Variants in LRRC56 observed in about 807,000 individuals in gnomAD.
LRRC56 encodes leucine rich repeat containing 56, also known as leucine-rich repeat-containing protein 56.
A neutral mutation model predicts 47.8 loss-of-function variants in LRRC56; 41 were observed. The ratio of observed to expected loss-of-function variants is 0.86; its 90% CI spans 0.67 to 1.11. The LOEUF is 1.11. Among genes scored for constraint, LRRC56 ranks in the 50% most tolerant of loss-of-function variants. The pLI is 0.00. For synonymous variants in LRRC56, 387 were observed against 311.2 expected (o/e 1.24, Z -2.56); for missense variants, 759 against 704.2 (o/e 1.08, Z -0.88).
chr11:546,223 A>C (rs1429629189), intron 6 of LRRC56, among the ~76,000 whole-genome samples: 2 of 151,800 alleles, frequency 1.3e-5, no homozygotes, highest in African/African-American at 2.4e-5. Flanking sequence ...CAGTGAGCTG[A>C]GATCACACCA....
At chr11:550,694 C>T (rs1852339425) in intron 8 of LRRC56, among the ~76,000 whole-genome samples, 3 of 152,208 alleles carry the variant, frequency 2.0e-5, no homozygotes, top group Non-Finnish European at 2.9e-5. Context: ...GCTGGCACAC[C>T]TGTGCGTGCA....
rs200798287 is a variant in LRRC56, at chr11:551,298, G to A, written c.792G>A (p.Pro264=). 666 of 1,510,458 alleles carry A rather than the reference G, an allele frequency of 4.4e-4. 3 individuals are homozygous for A. In the African/African-American group the frequency reaches 8.3e-3, roughly 19 times the overall value. The allele number at this position is 1,510,458 out of a possible 1,614,324, so 93.6% of individuals were successfully genotyped here. A position where few individuals can be genotyped will look rare whatever the true frequency, so the allele number is the denominator to read the frequency against. Reference sequence around the variant, plus strand: ...TCAAGAAGGGCAACGGCCTTCCCCCGCTGGGTACGGCAGCTGCGCCCGGAG... The same window carrying A: ...TCAAGAAGGGCAACGGCCTTCCCCCACTGGGTACGGCAGCTGCGCCCGGAG... ...EAIKKGNGLP[P]LDCPRGAPIR... is the part of the protein sequence containing the mutation. The change falls in exon 9 of 14, where the codon CCG becomes CCA. Residue 264 remains proline (P), a synonymous_variant. Coordinates refer to ENST00000270115, the MANE Select transcript of LRRC56 (RefSeq NM_198075.4).
At chr11:509,336 C>G in the LRRC56 span, among the ~76,000 whole-genome samples, 4 of 152,212 alleles carry the variant, frequency 2.6e-5, no homozygotes, top group African/African-American at 9.6e-5. Context: ...TCATTTCATT[C>G]TTTTCTTTGC....
At chr11:549,873 T>C (rs201069925) in intron 6 of LRRC56, 29 bp from the exon 7 acceptor site, 113 of 1,597,936 alleles carry the variant, frequency 7.1e-5, no homozygotes, top group Non-Finnish European at 8.8e-5. Context: ...GCTGGGCACA[T>C]GTTGACCACC....
the LRRC56 span, among the ~76,000 whole-genome samples, chr11:507,753 T>C: frequency 6.6e-6 from 1 of 152,224 alleles, no homozygotes; most frequent in African/African-American, 2.4e-5. Flanking sequence ...GAGGGGCTCG[T>C]TTGCGCCGAG....
At chr11:511,301 A>G in the LRRC56 span, among the ~76,000 whole-genome samples, 1 of 150,422 alleles carries the variant, frequency 6.6e-6, no homozygotes, top group African/African-American at 2.5e-5. Context: ...AGCCTGGGCG[A>G]CAGAGCTAGA....
At chr11:529,680 G>GC in the LRRC56 span, 1 of 152,354 alleles carries the variant, frequency 6.6e-6, no homozygotes, top group African/African-American at 2.4e-5. Context: ...ATGGGGCCCA[G>GC]CCCCGGGAAG....
chr11:519,287 G>A, the LRRC56 span, among the ~76,000 whole-genome samples: 1 of 140,320 alleles, frequency 7.1e-6, no homozygotes, highest in Admixed American at 7.3e-5. Flanking sequence ...CTGATACACA[G>A]GTGAGCTTTA....
the LRRC56 span, among the ~76,000 whole-genome samples, chr11:524,786 T>C: frequency 6.6e-6 from 1 of 151,930 alleles, no homozygotes; most frequent in Non-Finnish European, 1.5e-5. Flanking sequence ...GAGACAATCT[T>C]GTATAAGTAT....
chr11:523,043 T>G, the LRRC56 span, among the ~76,000 whole-genome samples: 1 of 151,920 alleles, frequency 6.6e-6, no homozygotes, highest in Admixed American at 6.6e-5. Context: ...TGTTTTGTTT[T>G]GTTGAGACTG....
At chr11:517,123 T>C in the LRRC56 span, among the ~76,000 whole-genome samples, 1 of 152,260 alleles carries the variant, frequency 6.6e-6, no homozygotes, top group Non-Finnish European at 1.5e-5. Flanking sequence ...GTGCTGGGAT[T>C]GCAGACGGAG....
the LRRC56 span, among the ~76,000 whole-genome samples, chr11:521,369 C>T: frequency 6.6e-6 from 1 of 152,146 alleles, no homozygotes; most frequent in Non-Finnish European, 1.5e-5. Flanking sequence ...AGTGCAGTGC[C>T]ATGATCACAG....
intron 5 of LRRC56, among the ~76,000 whole-genome samples, chr11:544,027 C>T (rs1179975138): frequency 6.6e-6 from 1 of 152,214 alleles, no homozygotes; most frequent in Non-Finnish European, 1.5e-5. Flanking sequence ...GGATTACAGG[C>T]GTGAGCCACC....
chr11:514,805 C>T, the LRRC56 span, among the ~76,000 whole-genome samples: 3 of 152,190 alleles, frequency 2.0e-5, no homozygotes, highest in Non-Finnish European at 4.4e-5. Context: ...TTTATTGCGA[C>T]ATTTGTGTTA....
upstream of LRRC56, among the ~76,000 whole-genome samples, chr11:534,995 C>A (rs1311772045): frequency 6.6e-6 from 1 of 152,178 alleles, no homozygotes; most frequent in Non-Finnish European, 1.5e-5. Context: ...GCGCGGGAGA[C>A]CCGGAGAGGG....
At chr11:522,938 G>A in the LRRC56 span, among the ~76,000 whole-genome samples, 977 of 152,156 alleles carry the variant, frequency 6.4e-3, 4 homozygotes, top group Non-Finnish European at 0.012. Context: ...TAGTAGAGAC[G>A]AGGTTTCACC....
At chr11:507,301 G>C in the LRRC56 span, 12 of 151,866 alleles carry the variant, frequency 7.9e-5, no homozygotes, top group African/African-American at 2.9e-4. Flanking sequence ...GGGGCTCGGC[G>C]CGGGGGCGGG....
Position 540,857 on chromosome 11 carries a change from G to T in LRRC56, c.173G>T (p.Arg58Leu). 6.4e-7 allele frequency: 1 copy of T among 1,555,800 alleles called. No individual in the cohort carries two copies. The highest frequency in any genetic ancestry group is 2.4e-5 in the East Asian group (1 of 41,858). ...GTGGAAGAGTACCTGTCCCCTGCCC[G>T]GCTGGTGAGTGTGGGCGCTGGGGGC... ...QLVEEYLSPA[R>L]LQALARVDDL... Residue 58 changes from arginine to leucine, a missense_variant, in exon 4 of 14, where the codon CGG (arginine) becomes CTG (leucine). By Grantham distance (102) the Arg-to-Leu change is moderately radical. Transcript: ENST00000270115.
At chr11:536,582 C>T (rs1274957509), upstream of LRRC56, among the ~76,000 whole-genome samples, 10 of 152,116 alleles carry the variant, frequency 6.6e-5, no homozygotes, top group Admixed American at 6.5e-4. Context: ...CCAGCCTGGC[C>T]AACATGATGA....
Sources: gnomAD v4.1 joint callset for allele counts (sites outside exome capture counted in the v4.1 genomes callset) on GRCh38, gnomAD v4.1.1 for gene constraint, MANE v1.5 for transcripts, NCBI Gene and HGNC (gene_info 2026-07-23, HGNC 2026-07-21) for gene names.